The following PHACTR1 variants were observed in gnomAD, a reference collection of about 807,000 sequenced individuals.
PHACTR1 encodes phosphatase and actin regulator 1.
In PHACTR1, 16 loss-of-function variants were observed where a neutral mutation model predicts 69.2. That is an observed-to-expected ratio of 0.23 (90% CI 0.16 to 0.35). The LOEUF (loss-of-function observed/expected upper bound fraction) is 0.35, where lower values mean the gene tolerates loss of function less well. Ranked by LOEUF, PHACTR1 falls within the 10% of genes least tolerant of loss-of-function variation. The probability of loss-of-function intolerance (pLI) is 1.00; values close to 1 mark genes in which losing one functional copy is unlikely to be tolerated. For synonymous variants in PHACTR1, 312 were observed against 284.5 expected (o/e 1.10, Z -0.97); for missense variants, 510 against 734.7 (o/e 0.69, Z 3.54).
chr6:12,790,360 G>C (rs1030692487), intron 4 of PHACTR1, among the ~76,000 whole-genome samples: 1 of 152,132 alleles, frequency 6.6e-6, no homozygotes, highest in African/African-American at 2.4e-5. Flanking sequence ...TGGTGCCTTA[G>C]AGGCTTTTCA....
chr6:13,179,701 G>GAGATAGATAGAT lies in PHACTR1; in HGVS notation c.497-2782_497-2771dup, dbSNP rs4053020. 6.7e-6 allele frequency among the ~76,000 whole-genome samples: 1 copy of GAGATAGATAGAT among 148,314 alleles called. No homozygotes were observed. Among genetic ancestry groups the GAGATAGATAGAT allele is most frequent in the African/African-American group, 2.5e-5 (1 of 39,634 alleles). ...AGGTAGGTAGATAGATAAGTAGATAGAGATAGATAGATAGATAGATAGATA... is the reference window on the plus strand; with the variant it reads ...AGGTAGGTAGATAGATAAGTAGATAGAGATAGATAGATAGATAGATAGATAGATAGATAGATA... On this transcript the variant is annotated intron_variant, in intron 6 of 14. Coordinates refer to ENST00000332995, the MANE Select transcript of PHACTR1 (RefSeq NM_030948.6). This position sits in a 1 kb window ranked among gnomAD's most constrained non-coding sequence, Gnocchi z 4.2.
chr6:12,736,240 A>G (rs983932194), intron 3 of PHACTR1, among the ~76,000 whole-genome samples: 2 of 152,338 alleles, frequency 1.3e-5, no homozygotes, highest in South Asian at 4.1e-4. Flanking sequence ...ATTATAGTTA[A>G]TGATATTCAT....
chr6:12,895,651 G>T (rs1331368724), intron 4 of PHACTR1, among the ~76,000 whole-genome samples: 3 of 152,160 alleles, frequency 2.0e-5, no homozygotes, highest in Admixed American at 2.0e-4. Context: ...TACAAGCTCT[G>T]CTACGGAGGA....
intron 4 of PHACTR1, among the ~76,000 whole-genome samples, chr6:12,812,696 G>A (rs750607338): frequency 1.3e-5 from 2 of 152,176 alleles, no homozygotes; most frequent in Non-Finnish European, 1.5e-5. Context: ...CTGCTGATAC[G>A]TTAGTGATTC....
chr6:13,194,079 TAGA>T (rs1191802548), intron 7 of PHACTR1, among the ~76,000 whole-genome samples: 4 of 152,174 alleles, frequency 2.6e-5, no homozygotes, highest in African/African-American at 9.7e-5. Context: ...GTTCCATGAT[TAGA>T]AGGACATCTA....
At chr6:12,933,570 T>C in intron 4 of PHACTR1, 1 of 1,589,552 alleles carries the variant, frequency 6.3e-7, no homozygotes, top group Non-Finnish European at 8.6e-7. Context: ...ATTCTTCTTG[T>C]TATCTCTTTG....
chr6:12,896,590 A>G (rs1206099070), intron 4 of PHACTR1, among the ~76,000 whole-genome samples: 1 of 152,188 alleles, frequency 6.6e-6, no homozygotes, highest in Non-Finnish European at 1.5e-5. Context: ...AAAACACCAT[A>G]GGGCATTGGA....
At chr6:13,158,173 C>T (rs533465739) in intron 5 of PHACTR1, among the ~76,000 whole-genome samples, 5 of 152,094 alleles carry the variant, frequency 3.3e-5, no homozygotes, top group South Asian at 4.2e-4. Flanking sequence ...TGAACCCCCG[C>T]GCCCGGCTGC....
chr6:12,930,241 T>C (rs1446160063), intron 4 of PHACTR1, among the ~76,000 whole-genome samples: 1 of 152,048 alleles, frequency 6.6e-6, no homozygotes. Flanking sequence ...GACGGGGTCT[T>C]GCTCTATTAT....
intron 5 of PHACTR1, among the ~76,000 whole-genome samples, chr6:13,153,246 A>T (rs1757703073): frequency 6.6e-6 from 1 of 152,226 alleles, no homozygotes; most frequent in African/African-American, 2.4e-5. Context: ...AAGAATAGCC[A>T]TGCCTTTTGA....
intron 4 of PHACTR1, chr6:12,957,295 G>C: frequency 4.3e-6 from 3 of 699,484 alleles, no homozygotes; most frequent in Non-Finnish European, 5.2e-6. Context: ...GTGAGTTCCA[G>C]ACTTCCAAGC....
intron 10 of PHACTR1, among the ~76,000 whole-genome samples, chr6:13,233,448 G>C (rs1278873843): frequency 1.3e-5 from 2 of 152,064 alleles, no homozygotes; most frequent in African/African-American, 4.8e-5. Context: ...CCTGAGACTG[G>C]GTAATTTATA....
intron 4 of PHACTR1, among the ~76,000 whole-genome samples, chr6:12,904,290 G>A (rs1229477099): frequency 1.3e-5 from 2 of 152,060 alleles, no homozygotes; most frequent in East Asian, 1.9e-4. Context: ...GCTCATGCCT[G>A]TAACCCCAGC....
chr6:12,754,617 C>T (rs926376391), intron 4 of PHACTR1, among the ~76,000 whole-genome samples: 1 of 152,098 alleles, frequency 6.6e-6, no homozygotes, highest in African/African-American at 2.4e-5. Context: ...TAAGATGGTA[C>T]CAGTGAAGAT....
At chr6:13,078,758 CA>C (rs907100049) in intron 5 of PHACTR1, among the ~76,000 whole-genome samples, 3 of 152,182 alleles carry the variant, frequency 2.0e-5, no homozygotes, top group Non-Finnish European at 4.4e-5. Context: ...ATCCTTCCCC[CA>C]GAGATCATAT....
intron 7 of PHACTR1, among the ~76,000 whole-genome samples, chr6:13,192,775 A>G (rs1763778108): frequency 6.6e-6 from 1 of 152,212 alleles, no homozygotes; most frequent in Non-Finnish European, 1.5e-5. Flanking sequence ...GCAGGGATTT[A>G]ATCTGATGTG....
intron 12 of PHACTR1, chr6:13,281,034 A>T: frequency 7.8e-7 from 1 of 1,289,626 alleles, no homozygotes; most frequent in Non-Finnish European, 1.0e-6. Flanking sequence ...ATTCCCTCTG[A>T]GCACTTGTGC....
At chr6:12,998,283 G>A (rs1797666136) in intron 4 of PHACTR1, among the ~76,000 whole-genome samples, 1 of 152,140 alleles carries the variant, frequency 6.6e-6, no homozygotes, top group Admixed American at 6.5e-5. Context: ...GAATATAGGT[G>A]AAGATTGCAT....
chr6:12,824,021 T>C (rs1776505090), intron 4 of PHACTR1, among the ~76,000 whole-genome samples: 1 of 152,148 alleles, frequency 6.6e-6, no homozygotes, highest in Non-Finnish European at 1.5e-5. Context: ...GTGAGCTGCA[T>C]AGCAGGAGGT....
Sources: gnomAD v4.1 joint callset for allele counts (sites outside exome capture counted in the v4.1 genomes callset) on GRCh38, gnomAD v4.1.1 for gene constraint, Gnocchi (gnomAD v3.1) non-coding constraint, MANE v1.5 for transcripts, NCBI Gene and HGNC (gene_info 2026-07-23, HGNC 2026-07-21) for gene names.